The following ZNF184 variants were observed in gnomAD, a reference collection of about 807,000 sequenced individuals.
ZNF184 encodes zinc finger protein 184.
A neutral mutation model predicts 54.4 loss-of-function variants in ZNF184; 16 were observed. That is an observed-to-expected ratio of 0.29 (90% CI 0.20 to 0.45). The LOEUF is 0.45. ZNF184 is among the 20% of genes least tolerant of loss of function. ZNF184 has a pLI of 1.00. For synonymous variants in ZNF184, 254 were observed against 295.3 expected, an observed-to-expected ratio of 0.86 and a Z score of 1.43; for missense variants, 681 against 888.2, an observed-to-expected ratio of 0.77 and a Z score of 2.97.
At chr6:27,425,301 C>G in the ZNF184 span, among the ~76,000 whole-genome samples, 1 of 152,238 alleles carries the variant, frequency 6.6e-6, no homozygotes, top group African/African-American at 2.4e-5. Flanking sequence ...CTGAAGGGCT[C>G]CCCAAGTGCC....
intron 3 of ZNF184, among the ~76,000 whole-genome samples, chr6:27,465,303 G>C (rs568180206): frequency 6.6e-6 from 1 of 150,666 alleles, no homozygotes; most frequent in African/African-American, 2.4e-5. Flanking sequence ...GCTAACACAG[G>C]GAAACCCTGT....
At chr6:27,439,132 C>G in the ZNF184 span, among the ~76,000 whole-genome samples, 1 of 152,104 alleles carries the variant, frequency 6.6e-6, no homozygotes, top group Non-Finnish European at 1.5e-5. Flanking sequence ...ACCTCCTAAA[C>G]AAGACCCTGA....
chr6:27,433,034 T>C, the ZNF184 span, among the ~76,000 whole-genome samples: 1 of 152,162 alleles, frequency 6.6e-6, no homozygotes, highest in Non-Finnish European at 1.5e-5. Flanking sequence ...AGATATGTAA[T>C]TGAGTGAGCC....
chr6:27,433,835 AT>A, the ZNF184 span, among the ~76,000 whole-genome samples: 9 of 151,756 alleles, frequency 5.9e-5, no homozygotes, highest in South Asian at 2.1e-4. Flanking sequence ...CTTGCTTTCA[AT>A]TTTTTTCCTT....
chr6:27,449,603 A>T (rs570800844), downstream of ZNF184, among the ~76,000 whole-genome samples: 37 of 152,256 alleles, frequency 2.4e-4, 1 homozygote, highest in Admixed American at 1.2e-3. Context: ...AATTTAAAAC[A>T]ATTAGCCAGG....
chr6:27,436,554 A>C, the ZNF184 span, among the ~76,000 whole-genome samples: 117 of 152,164 alleles, frequency 7.7e-4, 2 homozygotes, highest in Admixed American at 7.7e-3. Context: ...TTTTTCCTGC[A>C]TTCTATTAAT....
At chr6:27,456,661 A>C (rs371317850) in intron 5 of ZNF184, among the ~76,000 whole-genome samples, 165 bp downstream of exon 5, 27 of 152,334 alleles carry the variant, frequency 1.8e-4, no homozygotes, top group African/African-American at 6.5e-4. Context: ...ACAATTAGTG[A>C]CATAACAAAG....
At chr6:27,412,863 G>T in the ZNF184 span, among the ~76,000 whole-genome samples, 1 of 152,166 alleles carries the variant, frequency 6.6e-6, no homozygotes, top group Non-Finnish European at 1.5e-5. Flanking sequence ...GACAGAGCAA[G>T]ACCCTGTCTC....
chr6:27,465,484 CAAAAAAAAAAA>C (rs60538455), intron 3 of ZNF184, among the ~76,000 whole-genome samples: 30 of 35,166 alleles, frequency 8.5e-4, no homozygotes, highest in Non-Finnish European at 1.4e-3. Context: ...GACTCCATCT[CAAAAAAAAAAA>C]AAAAAAAAAA....
the ZNF184 span, among the ~76,000 whole-genome samples, chr6:27,432,612 G>A: frequency 6.6e-6 from 1 of 152,146 alleles, no homozygotes; most frequent in South Asian, 2.1e-4. The surrounding 1 kb of genome is among the most constrained non-coding windows in gnomAD (Gnocchi z 4.0). Context: ...TTCTTGGAAC[G>A]CTCTTTCTCC....
At chr6:27,407,702 A>G in the ZNF184 span, 8 of 712,918 alleles carry the variant, frequency 1.1e-5, no homozygotes, top group East Asian at 1.8e-4. Context: ...TCCTTGACCC[A>G]AACACATCCA....
chr6:27,416,587 T>G, the ZNF184 span, among the ~76,000 whole-genome samples: 5 of 152,172 alleles, frequency 3.3e-5, no homozygotes, highest in African/African-American at 7.2e-5. Context: ...TGTTTGAATC[T>G]CTCCTCCCCT....
the ZNF184 span, among the ~76,000 whole-genome samples, chr6:27,416,508 T>C: frequency 3.3e-5 from 5 of 152,326 alleles, no homozygotes; most frequent in East Asian, 7.7e-4. Flanking sequence ...TCTGGTATCA[T>C]GACAATATCC....
At chr6:27,455,311 A>G (rs1762827404) in intron 5 of ZNF184, among the ~76,000 whole-genome samples, 1 of 152,190 alleles carries the variant, frequency 6.6e-6, no homozygotes, top group Admixed American at 6.5e-5. Flanking sequence ...AAGTGGAACT[A>G]TAAAAATTAT....
Position 27,451,689 on chromosome 6 carries a change from G to T in ZNF184, c.1870C>A (p.Arg624=). The change falls in exon 6 of 6, where the codon CGA becomes AGA. Residue 624 remains arginine (R), a synonymous_variant. Coordinates refer to ENST00000683788, the MANE Select transcript of ZNF184 (RefSeq NM_001318891.2). ...TGTTGAGCAAGAGATGAACAATGTCGAAAGGCTTTACCACACTCAGCACAC... is the reference window on the plus strand; with the variant it reads ...TGTTGAGCAAGAGATGAACAATGTCTAAAGGCTTTACCACACTCAGCACAC... The part of the protein sequence containing the change: ...YECAECGKAF[R]HCSSLAQHQK... 1 of 1,613,896 alleles carries T rather than the reference G, an allele frequency of 6.2e-7. No homozygotes were observed. The highest frequency in any genetic ancestry group is 8.5e-7 in the Non-Finnish European group (1 of 1,179,942).
At chr6:27,465,006 G>C (rs1441826604) in intron 3 of ZNF184, among the ~76,000 whole-genome samples, 4 of 78,860 alleles carry the variant, frequency 5.1e-5, no homozygotes, top group Admixed American at 1.8e-4. Flanking sequence ...GACAGAGCAA[G>C]ACTCTGTCTC....
intron 5 of ZNF184, 81 bp downstream of exon 5, chr6:27,456,745 T>G: frequency 8.2e-7 from 1 of 1,217,986 alleles, no homozygotes; most frequent in Non-Finnish European, 1.2e-6. Flanking sequence ...AAAGTACATC[T>G]ACACTTCAGA....
Position 27,451,249 on chromosome 6 carries a change from A to C in ZNF184, c.*54T>G. ...CACTCTGATTCTTCAGTACTTAACAAAAGGACAAACTAAAGTAAATATCTC... is the reference window on the plus strand; with the variant it reads ...CACTCTGATTCTTCAGTACTTAACACAAGGACAAACTAAAGTAAATATCTC... On this transcript the variant is annotated 3_prime_UTR_variant, in exon 6 of 6. Coordinates refer to ENST00000683788, the MANE Select transcript of ZNF184 (RefSeq NM_001318891.2). 1 of 1,519,470 alleles carries C rather than the reference A, an allele frequency of 6.6e-7. No homozygotes were observed. Among genetic ancestry groups the C allele is most frequent in the African/African-American group, 1.4e-5 (1 of 71,848 alleles). The allele number at this position is 1,519,470 out of a possible 1,614,324, so 94.1% of individuals were successfully genotyped here. A position where few individuals can be genotyped will look rare whatever the true frequency, so the allele number is the denominator to read the frequency against.
chr6:27,460,926 T>C (rs10807024), intron 3 of ZNF184, among the ~76,000 whole-genome samples: 91,733 of 151,960 alleles, frequency 0.6, 27,783 homozygotes, highest in Middle Eastern at 0.75. Flanking sequence ...CTTGAACAAG[T>C]TCTGAAAACT....
Sources: gnomAD v4.1 joint callset for allele counts (sites outside exome capture counted in the v4.1 genomes callset) on GRCh38, gnomAD v4.1.1 for gene constraint, Gnocchi (gnomAD v3.1) non-coding constraint, MANE v1.5 for transcripts, NCBI Gene and HGNC (gene_info 2026-07-23, HGNC 2026-07-21) for gene names.